GRID1: variants seen among roughly 807,000 people sequenced by gnomAD.
GRID1 encodes the protein glutamate ionotropic receptor delta type subunit 1, also known as glutamate receptor ionotropic, delta-1.
A neutral mutation model predicts 98.0 loss-of-function variants in GRID1; 28 were observed. The observed-to-expected ratio is 0.29, with a 90% CI of 0.21 to 0.39. GRID1 has a LOEUF of 0.39. GRID1 is among the 10% of genes least tolerant of loss of function. The pLI is 1.00. For synonymous variants in GRID1, 553 were observed against 538.5 expected, an observed-to-expected ratio of 1.03 and a Z score of -0.37; for missense variants, 1,111 against 1,340.5, an observed-to-expected ratio of 0.83 and a Z score of 2.67.
At chr10:86,360,119 G>T (rs981802339) in intron 2 of GRID1, among the ~76,000 whole-genome samples, 83 of 152,156 alleles carry the variant, frequency 5.5e-4, no homozygotes, top group African/African-American at 2.0e-3. Context: ...TTCTTGTTTT[G>T]TTCAGGAATA....
At chr10:85,848,317 T>G (rs1312376031) in intron 8 of GRID1, among the ~76,000 whole-genome samples, 1 of 152,128 alleles carries the variant, frequency 6.6e-6, no homozygotes, top group Non-Finnish European at 1.5e-5. Context: ...AATATAGATA[T>G]AATTAAAATT....
At chr10:86,038,625 T>G (rs1393952486) in intron 4 of GRID1, among the ~76,000 whole-genome samples, 1 of 152,216 alleles carries the variant, frequency 6.6e-6, no homozygotes, top group Non-Finnish European at 1.5e-5. Context: ...TCCAGGCCCC[T>G]TTGCACTGTG....
At chr10:86,165,190 C>T (rs764225133) in intron 3 of GRID1, among the ~76,000 whole-genome samples, 2 of 152,176 alleles carry the variant, frequency 1.3e-5, no homozygotes, top group Non-Finnish European at 2.9e-5. Flanking sequence ...TCGCAGTGCA[C>T]ATTTCCCATG....
chr10:85,613,421 C>T lies in GRID1; in HGVS notation c.2587G>A (p.Glu863Lys), dbSNP rs766987343. 8 of 1,613,188 alleles carry T rather than the reference C, an allele frequency of 5.0e-6. No individual in the cohort carries two copies. Among genetic ancestry groups the T allele is most frequent in the Non-Finnish European group, 6.8e-6 (8 of 1,179,870 alleles). Residue 863 changes from glutamate (E) to lysine (K), a missense_variant, in exon 15 of 16, where the codon GAG becomes AAG. Around this residue, in one of 3 missense-constraint regions of GRID1, gnomAD observed 762 missense variants for 869.1 expected, o/e 0.88. Coordinates refer to ENST00000327946, the MANE Select transcript of GRID1 (RefSeq NM_017551.3). Reference protein sequence around the residue: ...LWWNSNRCHQETPKEDKEVNL... With the variant: ...LWWNSNRCHQKTPKEDKEVNL... The stretch of plus-strand genomic sequence containing the variant: ...AGGGTGCTGACCTCCTTGGGGGTCT[C>T]CTGGTGGCACCGGTTGCTGTTCCAC...
chr10:86,238,219 A>G (rs976186070), intron 2 of GRID1, among the ~76,000 whole-genome samples: 2 of 152,256 alleles, frequency 1.3e-5, no homozygotes, highest in Non-Finnish European at 2.9e-5. Flanking sequence ...AAGGCATTTC[A>G]GAGACCTTTG....
intron 5 of GRID1, among the ~76,000 whole-genome samples, chr10:85,887,716 T>C (rs1312687657): frequency 6.6e-6 from 1 of 152,234 alleles, no homozygotes; most frequent in African/African-American, 2.4e-5. Context: ...GACAAGGCAC[T>C]TAATTTCTTT....
At chr10:86,319,310 G>T (rs1305427822) in intron 2 of GRID1, among the ~76,000 whole-genome samples, 2 of 152,204 alleles carry the variant, frequency 1.3e-5, no homozygotes, top group Non-Finnish European at 2.9e-5. Context: ...TGACAATTGT[G>T]TTGGGAATAG....
intron 2 of GRID1, among the ~76,000 whole-genome samples, chr10:86,320,578 G>C (rs1032345554): frequency 6.6e-6 from 1 of 152,158 alleles, no homozygotes; most frequent in African/African-American, 2.4e-5. Flanking sequence ...ATTTCTGTTT[G>C]GGAAAATGAA....
intron 2 of GRID1, among the ~76,000 whole-genome samples, chr10:86,215,892 G>A (rs1846170643): frequency 6.6e-6 from 1 of 152,088 alleles, no homozygotes; most frequent in Non-Finnish European, 1.5e-5. Flanking sequence ...CAGTTTGTGA[G>A]ATCCTCCACC....
intron 12 of GRID1, among the ~76,000 whole-genome samples, chr10:85,674,596 G>A (rs1841123379): frequency 6.6e-6 from 1 of 152,158 alleles, no homozygotes; most frequent in Non-Finnish European, 1.5e-5. Context: ...AGGATCTGGA[G>A]GCTCTGAGAG....
At chr10:86,072,685 G>A (rs772743704) in intron 4 of GRID1, among the ~76,000 whole-genome samples, 5 of 152,162 alleles carry the variant, frequency 3.3e-5, no homozygotes, top group African/African-American at 9.6e-5. Flanking sequence ...CCTTTTTAAC[G>A]TCAGCTTTTC....
intron 4 of GRID1, among the ~76,000 whole-genome samples, chr10:85,951,855 G>A (rs1842129729): frequency 6.6e-6 from 1 of 152,150 alleles, no homozygotes; most frequent in African/African-American, 2.4e-5. Context: ...CAATGCTGCT[G>A]GAGAACAAAA....
At chr10:86,018,598 C>A (rs949939135) in intron 4 of GRID1, among the ~76,000 whole-genome samples, 2 of 152,200 alleles carry the variant, frequency 1.3e-5, no homozygotes, top group Non-Finnish European at 2.9e-5. Context: ...ACTGCAGGTG[C>A]CCACGCCTTC....
chr10:85,786,162 C>T (rs1055182702), intron 8 of GRID1, among the ~76,000 whole-genome samples: 1 of 152,198 alleles, frequency 6.6e-6, no homozygotes, highest in African/African-American at 2.4e-5. Flanking sequence ...ATTACAGAGG[C>T]AGTGAGACCT....
chr10:85,655,481 A>AAGAATGAACTC (rs1454862122), intron 12 of GRID1, among the ~76,000 whole-genome samples: 1 of 152,234 alleles, frequency 6.6e-6, no homozygotes, highest in Non-Finnish European at 1.5e-5. Context: ...TGTTTTCTGG[A>AAGAATGAACTC]AGAATGAACT....
At chr10:85,868,020 G>C (rs1045690878) in intron 6 of GRID1, among the ~76,000 whole-genome samples, 4 of 152,166 alleles carry the variant, frequency 2.6e-5, no homozygotes, top group Non-Finnish European at 5.9e-5. Context: ...GATACAGTGA[G>C]AGCAAAATGT....
rs1845007256 is a variant in GRID1 at position 86,141,254 on chromosome 10, G to A, written c.521-2230C>T. On this transcript the variant is annotated intron_variant, in intron 3 of 15. Coordinates refer to ENST00000327946, the MANE Select transcript of GRID1 (RefSeq NM_017551.3). ...GCCCCAGGCTGTCAACACCCTTGGG[G>A]TTCCCAGAGAGGCAACTCAGTCTCC... Among the ~76,000 whole-genome samples, 3 of 152,298 alleles carry A rather than the reference G, an allele frequency of 2.0e-5. No homozygotes were observed. The South Asian group carries it at 6.2e-4, about 32-fold the overall frequency.
At chr10:86,340,107 G>A (rs1432956773) in intron 2 of GRID1, among the ~76,000 whole-genome samples, 1 of 152,012 alleles carries the variant, frequency 6.6e-6, no homozygotes, top group Non-Finnish European at 1.5e-5. Flanking sequence ...AGTGCCCCTT[G>A]CAGCAGTTGG....
chr10:85,910,681 C>T lies in GRID1; in HGVS notation c.780+5505G>A, dbSNP rs531893212. Among the ~76,000 whole-genome samples the T allele has an allele frequency of 1.3e-4, 20 of 152,308 alleles. No homozygotes were observed. The East Asian group carries it at 3.7e-3, about 28-fold the overall frequency. On this transcript the variant is annotated intron_variant, in intron 5 of 15. Transcript: ENST00000327946. ...GGCAGATGGGGGGTCTCTTAGGATA[C>T]AGTCAGATTGTTTAACCCAGTGAGC...
Sources: gnomAD v4.1 joint callset for allele counts (sites outside exome capture counted in the v4.1 genomes callset) on GRCh38, gnomAD v4.1.1 for gene constraint, gnomAD v4.1.1 regional missense constraint, MANE v1.5 for transcripts, NCBI Gene and HGNC (gene_info 2026-07-23, HGNC 2026-07-21) for gene names.